Variants in IRAG2 observed in about 807,000 individuals in gnomAD.
The protein encoded by IRAG2 is inositol 1,4,5-triphosphate receptor associated 2.
Under a neutral mutation model 69.9 loss-of-function variants are expected in IRAG2, and 45 were observed. The ratio of observed to expected loss-of-function variants is 0.64; its 90% CI spans 0.51 to 0.83. IRAG2 has a LOEUF of 0.83. Ranked by LOEUF, IRAG2 falls within the 40% of genes least tolerant of loss-of-function variation. The pLI is 0.00. For missense variants in IRAG2, 520 were observed against 587.0 expected, an observed-to-expected ratio of 0.89 and a Z score of 1.18; for synonymous variants, 193 against 202.4, an observed-to-expected ratio of 0.95 and a Z score of 0.40.
At chr12:25,019,515 C>A (rs78366770) in intron 6 of IRAG2, among the ~76,000 whole-genome samples, 3,986 of 152,286 alleles carry the variant, frequency 0.026, 174 homozygotes, top group African/African-American at 0.09. Flanking sequence ...TTCTCTCTGA[C>A]CTTAGTCTCT....
chr12:25,049,014 T>C (rs1343153721), upstream of IRAG2, among the ~76,000 whole-genome samples: 1 of 152,086 alleles, frequency 6.6e-6, no homozygotes, highest in East Asian at 1.9e-4. Flanking sequence ...TTTATTCCCA[T>C]TGCTTGTTTT....
chr12:25,014,215 T>C (rs992345760), intron 3 of IRAG2, among the ~76,000 whole-genome samples: 3 of 152,084 alleles, frequency 2.0e-5, no homozygotes, highest in Middle Eastern at 3.4e-3. Flanking sequence ...TTCCAAAATA[T>C]ATGTTTGTAT....
chr12:25,031,291 C>T (rs895784879), intron 10 of IRAG2, among the ~76,000 whole-genome samples: 15 of 152,182 alleles, frequency 9.9e-5, no homozygotes, highest in African/African-American at 3.6e-4. Context: ...TAACTCTGGT[C>T]TTCTCACCGT....
At chr12:25,016,195 CA>C (rs35079588) in intron 5 of IRAG2, among the ~76,000 whole-genome samples, 38 of 142,186 alleles carry the variant, frequency 2.7e-4, no homozygotes, top group Non-Finnish European at 2.3e-4. Flanking sequence ...GACTCCATCT[CA>C]AAAAAAAAAA....
intron 7 of IRAG2, chr12:25,021,091 C>CTTTTTTTTTTTTTTTTT (rs71063389): frequency 1.5e-5 from 4 of 266,020 alleles, no homozygotes; most frequent in Admixed American, 1.2e-4. Context: ...TCTTTCTTTT[C>CTTTTTTTTTTTTTTTTT]TTTTTTTTTT....
chr12:25,031,646 G>A (rs545472365), intron 10 of IRAG2, among the ~76,000 whole-genome samples: 42 of 151,094 alleles, frequency 2.8e-4, no homozygotes, highest in African/African-American at 9.0e-4. Context: ...CTTTTTGTCC[G>A]TGTGTGTGTG....
chr12:25,080,439 C>T (rs1175112940), intron 9 of IRAG2, among the ~76,000 whole-genome samples: 1 of 151,664 alleles, frequency 6.6e-6, no homozygotes, highest in Admixed American at 6.6e-5. Context: ...ACAAGCTCCG[C>T]CTCCCGGGTT....
chr12:25,048,235 G>C (rs531177219), upstream of IRAG2, among the ~76,000 whole-genome samples: 3 of 152,160 alleles, frequency 2.0e-5, no homozygotes, highest in Admixed American at 1.3e-4. Context: ...TTTCATGTTT[G>C]TTGGCCATGT....
At chr12:25,079,633 C>A in intron 8 of IRAG2, 23 bp from the exon 9 acceptor site, 1 of 1,449,736 alleles carries the variant, frequency 6.9e-7, no homozygotes, top group Non-Finnish European at 9.7e-7. Context: ...AGTATTCGCA[C>A]CATTTGTTTC....
In IRAG2 at chr12:25,079,729, T is replaced by C; in HGVS notation, c.210T>C (p.Asp70=). ...DRNSLCKKEE[D]TRSASPTIEA... is the part of the protein sequence containing the mutation. ...ACTCGCTCTGTAAGAAAGAGGAGGA[T>C]ACAAGATCAGCTTCTCCCACGATAG... Residue 70 remains aspartate (D), a synonymous_variant, in exon 9 of 22, where the codon GAT becomes GAC. Transcript: ENST00000556887. 1 of 1,613,976 alleles carries C rather than the reference T, an allele frequency of 6.2e-7. No individual in the cohort carries two copies. Among genetic ancestry groups the C allele is most frequent in the Non-Finnish European group, 8.5e-7 (1 of 1,179,868 alleles).
chr12:25,107,382 A>G (rs896256894), intron 21 of IRAG2, among the ~76,000 whole-genome samples: 1 of 152,156 alleles, frequency 6.6e-6, no homozygotes, highest in Non-Finnish European at 1.5e-5. Flanking sequence ...GTTTAGTACT[A>G]TTTTCAGCTT....
intron 17 of IRAG2, chr12:25,102,749 G>T (rs181807721): frequency 9.4e-4 from 145 of 153,536 alleles, no homozygotes; most frequent in Non-Finnish European, 1.7e-3. Context: ...TCTTTGTTAC[G>T]AATGAGACTG....
chr12:25,089,709 G>A (rs1230654885), intron 12 of IRAG2, 32 bp downstream of exon 12: 5 of 1,609,784 alleles, frequency 3.1e-6, no homozygotes, highest in Non-Finnish European at 4.3e-6. Context: ...ATGTTAACAT[G>A]TTTTATTTTT....
chr12:25,102,173 T>C (rs199897309), intron 16 of IRAG2, 25 bp from the exon 17 acceptor site: 224 of 1,605,100 alleles, frequency 1.4e-4, no homozygotes, highest in Non-Finnish European at 1.9e-4. Flanking sequence ...ATAGCTAAAA[T>C]GTGTCAATGT....
chr12:25,000,873 T>C (rs1374116180), upstream of IRAG2, among the ~76,000 whole-genome samples: 2 of 152,262 alleles, frequency 1.3e-5, no homozygotes, highest in African/African-American at 2.4e-5. Context: ...AGGCAGTTAC[T>C]GTACAAAGCA....
chr12:25,104,485 A>G (rs1308087675), intron 20 of IRAG2, 23 bp downstream of exon 20: 1 of 1,354,490 alleles, frequency 7.4e-7, no homozygotes, highest in Non-Finnish European at 1.1e-6. Flanking sequence ...CAGTGTGTTT[A>G]TTAACCTGAC....
Position 25,101,320 on chromosome 12 carries a change from A to G in IRAG2, c.884A>G (p.Asp295Gly). The G allele has an allele frequency of 6.3e-7, 1 of 1,589,706 alleles. No homozygotes were observed. The highest frequency in any genetic ancestry group is 2.3e-5 in the East Asian group (1 of 44,354). ...GAAAGGTCTTTCAATCCTCTTGAAG[A>G]TGATGGTAATAAAAGTTTATGATAA... ...QNERSFNPLE[D>G]DDDCQIKKRS... Residue 295 changes from aspartate to glycine, a missense_variant, in exon 16 of 22, where the codon GAT becomes GGT. By Grantham distance (94) the Asp-to-Gly change is moderately conservative. Transcript: ENST00000556887.
intron 3 of IRAG2, among the ~76,000 whole-genome samples, chr12:25,012,143 C>CT (rs1944480147): frequency 0.01 from 243 of 24,100 alleles, 50 homozygotes; most frequent in Non-Finnish European, 0.023. Context: ...AAGCGAATTC[C>CT]CTTTTTTTTT....
chr12:25,070,569 T>A (rs1946276732), intron 6 of IRAG2, among the ~76,000 whole-genome samples: 1 of 152,248 alleles, frequency 6.6e-6, no homozygotes, highest in Non-Finnish European at 1.5e-5. Context: ...TGTTTTTACT[T>A]TTTGGCTATT....
Sources: allele counts gnomAD v4.1 joint callset (sites outside exome capture counted in the v4.1 genomes callset), GRCh38; gene constraint gnomAD v4.1.1; transcripts MANE v1.5; gene names NCBI Gene and HGNC (gene_info 2026-07-23, HGNC 2026-07-21).